FOXP1: variants seen among roughly 807,000 people sequenced by gnomAD.
FOXP1 encodes the protein forkhead box protein P1.
In FOXP1, 15 loss-of-function variants were observed where a neutral mutation model predicts 98.2. The ratio of observed to expected loss-of-function variants is 0.15; its 90% CI spans 0.10 to 0.24. The LOEUF (loss-of-function observed/expected upper bound fraction) is 0.24. Ranked by LOEUF, FOXP1 falls within the 10% of genes least tolerant of loss-of-function variation. The pLI, the probability that FOXP1 is intolerant of heterozygous loss-of-function variation, is 1.00. For missense variants in FOXP1, 633 were observed against 848.5 expected (o/e 0.75, Z 3.15); for synonymous variants, 371 against 314.5 (o/e 1.18, Z -1.90).
intron 13 of FOXP1, among the ~76,000 whole-genome samples, chr3:70,997,048 A>C (rs1235936479): frequency 6.6e-6 from 1 of 152,234 alleles, no homozygotes; most frequent in Non-Finnish European, 1.5e-5. Flanking sequence ...TTGGAGGTTC[A>C]GGTTTTTCCT....
chr3:71,299,062 T>C (rs1339445001), intron 5 of FOXP1, among the ~76,000 whole-genome samples: 1 of 152,242 alleles, frequency 6.6e-6, no homozygotes, highest in Non-Finnish European at 1.5e-5. Context: ...GATCATCTTC[T>C]GTAAGATGAT....
At position 71,583,429 on chromosome 3, in the gene FOXP1, T is replaced by G. The variant is rs560287529; in HGVS notation, c.-447+142A>C. 6.6e-4 allele frequency: 637 copies of G among 969,196 alleles called. 1 individual carries two copies. In the African/African-American group the frequency reaches 9.1e-3, roughly 14 times the overall value. 60.0% of individuals were successfully genotyped at this position (969,196 alleles called of 1,614,324 possible). On this transcript the variant is annotated intron_variant, in intron 1 of 20. Coordinates refer to ENST00000649528, the MANE Select transcript of FOXP1 (RefSeq NM_001349338.3). Reference sequence around the variant, plus strand: ...AGCCTGGAGGTGGAAAGTAGTTGTTTTTTTTTTTCCATTTTTTTTCTCTTT... The same window carrying G: ...AGCCTGGAGGTGGAAAGTAGTTGTTGTTTTTTTTCCATTTTTTTTCTCTTT...
At chr3:70,998,173 A>T (rs1279982543) in intron 13 of FOXP1, among the ~76,000 whole-genome samples, 5 of 152,200 alleles carry the variant, frequency 3.3e-5, no homozygotes, top group Admixed American at 3.3e-4. Flanking sequence ...TAAGAGCCAG[A>T]TCATAAATAT....
At chr3:71,567,559 T>C (rs754383618) in intron 2 of FOXP1, among the ~76,000 whole-genome samples, 4 of 152,216 alleles carry the variant, frequency 2.6e-5, no homozygotes, top group Non-Finnish European at 4.4e-5. Flanking sequence ...GTTGGACTTA[T>C]ACCCTTAGGG....
chr3:71,301,583 T>C (rs1270407178), intron 4 of FOXP1, among the ~76,000 whole-genome samples: 1 of 152,222 alleles, frequency 6.6e-6, no homozygotes, highest in Non-Finnish European at 1.5e-5. Context: ...TAAACTAATT[T>C]ATATGTTTAT....
At position 71,362,365 on chromosome 3, in the gene FOXP1, G is replaced by T. The variant is rs540619140; in HGVS notation, c.-167-3121C>A. On this transcript the variant is annotated intron_variant, in intron 3 of 20. Transcript: ENST00000649528. ...TTTTTGTATTTTTAGTAGAGGCGGG[G>T]TTTTGCCGTGTTAGCCAGGATGGTC... Among the ~76,000 whole-genome samples the T allele has an allele frequency of 3.3e-5, 5 of 152,180 alleles. No homozygotes were observed. In the East Asian group the frequency reaches 9.7e-4, roughly 29 times the overall value.
chr3:71,500,390 G>C (rs2041247505), intron 2 of FOXP1, among the ~76,000 whole-genome samples: 1 of 152,150 alleles, frequency 6.6e-6, no homozygotes, highest in Admixed American at 6.5e-5. Flanking sequence ...GCATCTGTCT[G>C]CTCCATTCCC....
intron 13 of FOXP1, among the ~76,000 whole-genome samples, chr3:70,990,814 C>T (rs552145201): frequency 9.2e-5 from 14 of 152,286 alleles, no homozygotes; most frequent in East Asian, 1.9e-4. Flanking sequence ...TTCTGTAGAA[C>T]GATGGCAGGG....
At chr3:71,183,628 GATAT>G (rs1442021809) in intron 6 of FOXP1, among the ~76,000 whole-genome samples, 1 of 152,168 alleles carries the variant, frequency 6.6e-6, no homozygotes, top group African/African-American at 2.4e-5. Context: ...CCGTTTGATG[GATAT>G]ATAAACTGAG....
At chr3:70,976,228 T>A (rs1017492524) in intron 17 of FOXP1, among the ~76,000 whole-genome samples, 1 of 151,984 alleles carries the variant, frequency 6.6e-6, no homozygotes, top group African/African-American at 2.4e-5. Context: ...TTCATTGAAT[T>A]TTTTTTGTAG....
At chr3:71,209,205 A>G (rs2064277353) in intron 5 of FOXP1, among the ~76,000 whole-genome samples, 1 of 152,268 alleles carries the variant, frequency 6.6e-6, no homozygotes, top group Admixed American at 6.5e-5. Flanking sequence ...TGGCTTGCAG[A>G]TAAAAATAAA....
intron 9 of FOXP1, among the ~76,000 whole-genome samples, chr3:71,048,889 T>C (rs2049422694): frequency 6.6e-6 from 1 of 152,236 alleles, no homozygotes; most frequent in Non-Finnish European, 1.5e-5. Flanking sequence ...TTATGTAAAA[T>C]GACTGATGCC....
chr3:71,354,771 C>A (rs1389499081), intron 4 of FOXP1, among the ~76,000 whole-genome samples: 1 of 152,200 alleles, frequency 6.6e-6, no homozygotes, highest in Non-Finnish European at 1.5e-5. Context: ...TTATTCTGTT[C>A]CAGACGTTGT....
At chr3:71,245,486 A>C (rs2067659198) in intron 5 of FOXP1, 1 of 152,060 alleles carries the variant, frequency 6.6e-6, no homozygotes, top group Non-Finnish European at 1.5e-5. Flanking sequence ...CATCCAAATA[A>C]AGACCGTGCC....
intron 3 of FOXP1, among the ~76,000 whole-genome samples, chr3:71,419,080 C>G (rs1441045259): frequency 1.3e-5 from 2 of 151,034 alleles, no homozygotes; most frequent in Non-Finnish European, 3.0e-5. Context: ...ACTAAAAATA[C>G]AAGAAATTTG....
intron 3 of FOXP1, among the ~76,000 whole-genome samples, chr3:71,491,490 T>C (rs990852608): frequency 6.6e-6 from 1 of 152,204 alleles, no homozygotes; most frequent in Admixed American, 6.5e-5. Flanking sequence ...AGCTCTAAAA[T>C]TTCATGACTC....
At chr3:71,377,552 C>T (rs150110115) in intron 3 of FOXP1, among the ~76,000 whole-genome samples, 2 of 152,030 alleles carry the variant, frequency 1.3e-5, no homozygotes, top group African/African-American at 2.4e-5. Context: ...ACTAAATAAC[C>T]CCCCCAAGGT....
At chr3:71,116,177 T>G (rs1262985120) in intron 6 of FOXP1, among the ~76,000 whole-genome samples, 3 of 152,206 alleles carry the variant, frequency 2.0e-5, no homozygotes, top group Non-Finnish European at 4.4e-5. Context: ...ACTGGGATCC[T>G]CAGATTTATT....
At chr3:70,967,980 C>T (rs1239540092) in intron 19 of FOXP1, among the ~76,000 whole-genome samples, 1 of 152,076 alleles carries the variant, frequency 6.6e-6, no homozygotes, top group East Asian at 1.9e-4. Flanking sequence ...TGAACGTGTT[C>T]ATTGGGATGA....
Sources: gnomAD v4.1 joint callset for allele counts (sites outside exome capture counted in the v4.1 genomes callset) on GRCh38, gnomAD v4.1.1 for gene constraint, MANE v1.5 for transcripts, NCBI Gene and HGNC (gene_info 2026-07-23, HGNC 2026-07-21) for gene names.